The following BST1 variants were observed in gnomAD, a reference collection of about 807,000 sequenced individuals.
BST1 encodes ADP-ribosyl cyclase/cyclic ADP-ribose hydrolase 2.
A neutral mutation model predicts 40.6 loss-of-function variants in BST1; 49 were observed. The observed-to-expected ratio is 1.21, with a 90% CI of 0.96 to 1.53. The LOEUF (loss-of-function observed/expected upper bound fraction) is 1.53, where lower values mean the gene tolerates loss of function less well. Among genes scored for constraint, BST1 ranks in the 40% most tolerant of loss-of-function variants. The pLI, the probability that BST1 is intolerant of heterozygous loss-of-function variation, is 0.00. For synonymous variants in BST1, 157 were observed against 159.3 expected (o/e 0.99, Z 0.11); for missense variants, 423 against 395.9 (o/e 1.07, Z -0.58).
chr4:15,723,239 A>G (rs79489149), intron 8 of BST1, among the ~76,000 whole-genome samples: 4,684 of 152,040 alleles, frequency 0.031, 247 homozygotes, highest in East Asian at 0.26. Context: ...TAGGATGGTC[A>G]CACTACCTTT....
downstream of BST1, among the ~76,000 whole-genome samples, chr4:15,740,229 A>G (rs748318182): frequency 6.6e-6 from 1 of 152,058 alleles, no homozygotes; most frequent in Non-Finnish European, 1.5e-5. Context: ...AATTTTTTGT[A>G]TTCTTTTTGC....
intron 7 of BST1, among the ~76,000 whole-genome samples, chr4:15,720,638 C>T (rs888986281): frequency 6.6e-6 from 1 of 151,210 alleles, no homozygotes; most frequent in African/African-American, 2.4e-5. Context: ...TCCAAAACAG[C>T]TCAATAGCCA....
chr4:15,770,600 T>C, the BST1 span, among the ~76,000 whole-genome samples: 2 of 152,078 alleles, frequency 1.3e-5, no homozygotes, highest in Non-Finnish European at 2.9e-5. Flanking sequence ...CTCGGGAGGC[T>C]GAGGCAGGAG....
the BST1 span, among the ~76,000 whole-genome samples, chr4:15,753,077 T>TA: frequency 6.6e-6 from 1 of 151,162 alleles, no homozygotes; most frequent in Non-Finnish European, 1.5e-5. Context: ...TATAAATCAC[T>TA]AAAAAATATT....
chr4:15,729,211 G>A (rs1721264138), intron 8 of BST1, among the ~76,000 whole-genome samples: 1 of 152,070 alleles, frequency 6.6e-6, no homozygotes, highest in Admixed American at 6.5e-5. Context: ...TAGCACTTTG[G>A]GAGTTCAGTG....
the BST1 span, among the ~76,000 whole-genome samples, chr4:15,757,183 C>A: frequency 1.3e-5 from 2 of 152,170 alleles, no homozygotes; most frequent in African/African-American, 4.8e-5. Context: ...CCTCCTATTC[C>A]TTTCTGTAGC....
At chr4:15,758,071 T>G in the BST1 span, among the ~76,000 whole-genome samples, 1 of 152,240 alleles carries the variant, frequency 6.6e-6, no homozygotes. Context: ...GATGTTATAA[T>G]TTATAAATAC....
In BST1 at chr4:15,722,923, T is replaced by C; in HGVS notation, c.840T>C (p.Cys280=). The C allele has an allele frequency of 6.2e-7, 1 of 1,613,772 alleles. No individual in the cohort carries two copies. Among genetic ancestry groups the C allele is most frequent in the Non-Finnish European group, 8.5e-7 (1 of 1,179,732 alleles). The stretch of plus-strand genomic sequence containing the variant: ...TGGACCACAGCACCCATCCTGACTG[T>C]GCCTTAAAGTCGTAAGTAAATGTCT... ...QCVDHSTHPD[C]ALKSAAAATQ... The change falls in exon 8 of 9, where the codon TGT becomes TGC. Residue 280 remains cysteine (C), a synonymous_variant. Transcript: ENST00000265016.
At chr4:15,717,319 C>T (rs986796215) in intron 6 of BST1, among the ~76,000 whole-genome samples, 1 of 152,186 alleles carries the variant, frequency 6.6e-6, no homozygotes, top group East Asian at 1.9e-4. Flanking sequence ...CCTCCCTGTA[C>T]ACTCCCCCTC....
downstream of BST1, among the ~76,000 whole-genome samples, chr4:15,740,650 T>G (rs138955982): frequency 6.6e-6 from 1 of 152,280 alleles, no homozygotes; most frequent in Non-Finnish European, 1.5e-5. Context: ...AACAAATTTA[T>G]TAATTTGTTA....
chr4:15,768,874 C>A, the BST1 span, among the ~76,000 whole-genome samples: 1 of 152,140 alleles, frequency 6.6e-6, no homozygotes, highest in Non-Finnish European at 1.5e-5. Context: ...GCCACAGACC[C>A]GTACCCAAGA....
At chr4:15,741,851 T>C (rs1001691516), downstream of BST1, among the ~76,000 whole-genome samples, 3 of 152,178 alleles carry the variant, frequency 2.0e-5, no homozygotes, top group African/African-American at 7.2e-5. Flanking sequence ...TTACAGTAAA[T>C]GTTCATTGGC....
chr4:15,754,131 AAG>A, the BST1 span, among the ~76,000 whole-genome samples: 1 of 152,190 alleles, frequency 6.6e-6, no homozygotes, highest in Non-Finnish European at 1.5e-5. Context: ...GGAGATTGAA[AAG>A]AGAGGAAAAC....
At chr4:15,738,766 A>G (rs1721659058), downstream of BST1, among the ~76,000 whole-genome samples, 1 of 152,200 alleles carries the variant, frequency 6.6e-6, no homozygotes, top group South Asian at 2.1e-4. Context: ...TCCAAAGTAA[A>G]GACTAGAAGC....
the BST1 span, among the ~76,000 whole-genome samples, chr4:15,751,356 C>T: frequency 6.6e-6 from 1 of 152,054 alleles, no homozygotes; most frequent in East Asian, 1.9e-4. Context: ...AGTCACATGA[C>T]CACCATGGGC....
chr4:15,761,030 T>TTTTTG, the BST1 span, among the ~76,000 whole-genome samples: 31 of 151,778 alleles, frequency 2.0e-4, no homozygotes, highest in Middle Eastern at 3.4e-3. Context: ...GCATATAGTT[T>TTTTTG]TTTTGTTTTG....
At chr4:15,738,052 A>G in exon 7 of BST1, 1 of 298,558 alleles carries the variant, frequency 3.3e-6, no homozygotes, top group Non-Finnish European at 6.8e-6. Flanking sequence ...GTGATTATAT[A>G]TGTGTCCAAA....
At chr4:15,744,101 T>G in the BST1 span, among the ~76,000 whole-genome samples, 1 of 152,206 alleles carries the variant, frequency 6.6e-6, no homozygotes, top group Non-Finnish European at 1.5e-5. Flanking sequence ...CTGTGTAGTA[T>G]ACAGATGAGG....
chr4:15,726,713 C>T (rs1721132055), intron 8 of BST1, among the ~76,000 whole-genome samples: 1 of 152,092 alleles, frequency 6.6e-6, no homozygotes, highest in Non-Finnish European at 1.5e-5. Context: ...CAGAAACAGA[C>T]CATGTAAAAT....
Sources: allele counts gnomAD v4.1 joint callset (sites outside exome capture counted in the v4.1 genomes callset), GRCh38; gene constraint gnomAD v4.1.1; transcripts MANE v1.5; gene names NCBI Gene and HGNC (gene_info 2026-07-23, HGNC 2026-07-21).